CHRM3: variants seen among roughly 807,000 people sequenced by gnomAD.
CHRM3 encodes cholinergic receptor muscarinic 3.
In CHRM3, 11 loss-of-function variants were observed where a neutral mutation model predicts 41.8. The ratio of observed to expected loss-of-function variants is 0.26; its 90% CI spans 0.17 to 0.44. The LOEUF (loss-of-function observed/expected upper bound fraction) is 0.44, where lower values mean the gene tolerates loss of function less well. Among genes scored for constraint, CHRM3 ranks in the 20% least tolerant of loss-of-function variants. The pLI is 1.00. For synonymous variants in CHRM3, 297 were observed against 301.4 expected (o/e 0.99, Z 0.15); for missense variants, 571 against 745.4 (o/e 0.77, Z 2.72).
chr1:239,802,002 G>A (rs558752273), intron 5 of CHRM3, among the ~76,000 whole-genome samples: 1 of 152,298 alleles, frequency 6.6e-6, no homozygotes, highest in South Asian at 2.1e-4. Flanking sequence ...AGTCCCAGTG[G>A]CAGGCCAATT....
intron 1 of CHRM3, among the ~76,000 whole-genome samples, chr1:239,487,631 A>G (rs762455405): frequency 6.6e-6 from 1 of 152,146 alleles, no homozygotes; most frequent in Non-Finnish European, 1.5e-5. Flanking sequence ...TGAAAATGTC[A>G]ATTCTTTATG....
At chr1:239,404,238 G>C (rs1387426185) in intron 1 of CHRM3, among the ~76,000 whole-genome samples, 1 of 149,140 alleles carries the variant, frequency 6.7e-6, no homozygotes, top group South Asian at 2.2e-4. Context: ...GCAGTGAGCC[G>C]AGATCGCACC....
At chr1:239,622,916 T>A (rs77302274) in intron 3 of CHRM3, among the ~76,000 whole-genome samples, 11,215 of 152,124 alleles carry the variant, frequency 0.074, 1,279 homozygotes, top group African/African-American at 0.25. Flanking sequence ...CAGAGAAATC[T>A]TTTACAAAAG....
chr1:239,539,725 G>A (rs1658568476), intron 2 of CHRM3, among the ~76,000 whole-genome samples: 1 of 152,094 alleles, frequency 6.6e-6, no homozygotes, highest in African/African-American at 2.4e-5. Context: ...AACCTCCCAA[G>A]GCTCAGGTGA....
Position 239,813,261 on chromosome 1 carries a change from G to C in CHRM3, c.-146-13991G>C, listed in dbSNP as rs539942526. Reference sequence around the variant, plus strand: ...CCACCGCACTCCAGCCTGGGCAACAGAGTGAGACTCCGTCTCAAAAAAATA... The same window carrying C: ...CCACCGCACTCCAGCCTGGGCAACACAGTGAGACTCCGTCTCAAAAAAATA... On this transcript the variant is annotated intron_variant, in intron 5 of 6. Coordinates refer to ENST00000676153, the MANE Select transcript of CHRM3 (RefSeq NM_001375978.1). Among the ~76,000 whole-genome samples the C allele has an allele frequency of 1.3e-4, 20 of 152,314 alleles. No homozygotes were observed. The South Asian group carries it at 4.1e-3, about 32-fold the overall frequency.
Position 239,910,872 on chromosome 1 carries a change from C to T in CHRM3, c.*1648C>T, listed in dbSNP as rs527333542. 1.8e-5 allele frequency: 3 copies of T among 167,170 alleles called. No individual in the cohort carries two copies. The highest frequency in any genetic ancestry group is 2.1e-4 in the South Asian group (1 of 4,826). 10.4% of individuals were successfully genotyped at this position (167,170 alleles called of 1,614,324 possible). ...AGGTGGTGTTTACAGACGACTTTGA[C>T]AACAGTAGAAGTGTACTCAGTGGTG... is the stretch of plus-strand genomic sequence containing the variant. On this transcript the variant is annotated 3_prime_UTR_variant, in exon 7 of 7. Transcript: ENST00000676153.
chr1:239,844,924 A>G (rs938553579), intron 6 of CHRM3, among the ~76,000 whole-genome samples: 1 of 152,212 alleles, frequency 6.6e-6, no homozygotes, highest in African/African-American at 2.4e-5. Context: ...AACTTTGTAC[A>G]TGGAATGCAG....
intron 1 of CHRM3, among the ~76,000 whole-genome samples, chr1:239,395,721 A>G (rs545549143): frequency 1.3e-5 from 2 of 152,328 alleles, no homozygotes; most frequent in African/African-American, 4.8e-5. Context: ...CTCAGACCAC[A>G]CTGAGAAGAA....
intron 1 of CHRM3, among the ~76,000 whole-genome samples, chr1:239,451,956 G>C (rs991656779): frequency 1.4e-4 from 22 of 152,062 alleles, no homozygotes; most frequent in African/African-American, 5.3e-4. Context: ...ACTTTAAACA[G>C]ACTATGCTGT....
intron 1 of CHRM3, among the ~76,000 whole-genome samples, chr1:239,416,630 A>G (rs748041041): frequency 1.3e-5 from 2 of 152,164 alleles, no homozygotes; most frequent in Non-Finnish European, 2.9e-5. Flanking sequence ...TTATGTCAAG[A>G]GGAAAAGGTT....
intron 1 of CHRM3, among the ~76,000 whole-genome samples, chr1:239,468,053 A>G (rs1319018442): frequency 6.6e-6 from 1 of 152,178 alleles, no homozygotes; most frequent in Non-Finnish European, 1.5e-5. Context: ...AAAAAGCTCC[A>G]AAACTTAGTC....
intron 6 of CHRM3, among the ~76,000 whole-genome samples, chr1:239,843,215 A>T (rs1126013): frequency 0.032 from 4,867 of 152,160 alleles, 265 homozygotes; most frequent in African/African-American, 0.11. Flanking sequence ...ACTCATTATC[A>T]CACTCCTCAC....
intron 3 of CHRM3, among the ~76,000 whole-genome samples, chr1:239,589,747 T>C (rs1360827658): frequency 2.0e-5 from 3 of 149,280 alleles, no homozygotes; most frequent in Non-Finnish European, 4.4e-5. Context: ...CCTTAAATTA[T>C]CTTTGGCAAA....
chr1:239,706,649 C>T (rs1408229230), intron 5 of CHRM3, among the ~76,000 whole-genome samples: 1 of 148,190 alleles, frequency 6.7e-6, no homozygotes, highest in Non-Finnish European at 1.5e-5. Flanking sequence ...CACACACAGA[C>T]ATGCACCCAC....
At position 239,412,458 on chromosome 1, in the gene CHRM3, A is replaced by G. The variant is rs995526686; in HGVS notation, c.-521+25231A>G. ...TAGCGATAGTCTTGGGGTTTCCTTC[A>G]CTCTACTCATCCCCCCGCCACCATT... On this transcript the variant is annotated intron_variant, in intron 1 of 6. Transcript: ENST00000676153. 2.8e-5 allele frequency among the ~76,000 whole-genome samples: 4 copies of G among 145,090 alleles called. No homozygotes were observed. In the Admixed American group the frequency reaches 2.8e-4, roughly 10 times the overall value.
At chr1:239,407,405 A>AATATATATATATATAT (rs143680510) in intron 1 of CHRM3, among the ~76,000 whole-genome samples, 5 of 137,024 alleles carry the variant, frequency 3.6e-5, no homozygotes, top group South Asian at 2.4e-4. Flanking sequence ...AATGACTATA[A>AATATATATATATATAT]ATATATATAT....
intron 5 of CHRM3, among the ~76,000 whole-genome samples, chr1:239,789,886 G>A (rs1055685706): frequency 3.9e-5 from 6 of 152,168 alleles, no homozygotes; most frequent in East Asian, 1.9e-4. Context: ...TTCCTCATTA[G>A]TCTTTTGAAG....
intron 2 of CHRM3, among the ~76,000 whole-genome samples, chr1:239,542,998 C>T (rs1268072876): frequency 6.6e-6 from 1 of 152,142 alleles, no homozygotes; most frequent in Non-Finnish European, 1.5e-5. Flanking sequence ...CACTCTTTGC[C>T]CTTAAATGGG....
intron 6 of CHRM3, among the ~76,000 whole-genome samples, chr1:239,890,870 A>G (rs1287619820): frequency 6.6e-6 from 1 of 152,212 alleles, no homozygotes; most frequent in African/African-American, 2.4e-5. Flanking sequence ...GTAATTCTAT[A>G]AAGTGTTTGA....
Sources: gnomAD v4.1 joint callset for allele counts (sites outside exome capture counted in the v4.1 genomes callset) on GRCh38, gnomAD v4.1.1 for gene constraint, MANE v1.5 for transcripts, NCBI Gene and HGNC (gene_info 2026-07-23, HGNC 2026-07-21) for gene names.